Variants in DLGAP4 observed in about 807,000 individuals in gnomAD.
DLGAP4 encodes disks large-associated protein 4.
In DLGAP4, 18 loss-of-function variants were observed where a neutral mutation model predicts 86.9. That is an observed-to-expected ratio of 0.21 (90% CI 0.14 to 0.31). The LOEUF is 0.31. DLGAP4 is among the 10% of genes least tolerant of loss of function. The pLI is 1.00. For missense variants in DLGAP4, 1,085 were observed against 1,362.6 expected, an observed-to-expected ratio of 0.80 and a Z score of 3.21; for synonymous variants, 548 against 574.3, an observed-to-expected ratio of 0.95 and a Z score of 0.65.
chr20:36,391,558 T>C (rs1421491335), intron 2 of DLGAP4, among the ~76,000 whole-genome samples: 2 of 152,190 alleles, frequency 1.3e-5, no homozygotes, highest in Non-Finnish European at 2.9e-5. Context: ...TGCCCAACAC[T>C]GTTCCCAGCA....
At chr20:36,446,505 C>T (rs1419139342) in intron 6 of DLGAP4, among the ~76,000 whole-genome samples, 192 bp from the exon 7 acceptor site, 1 of 152,114 alleles carries the variant, frequency 6.6e-6, no homozygotes, top group Non-Finnish European at 1.5e-5. Flanking sequence ...AAATTGAGGC[C>T]CAGAGAGGTA....
In DLGAP4 at chr20:36,402,543, T is replaced by A. The variant is rs907808460; in HGVS notation, c.-72-29103T>A. Among the ~76,000 whole-genome samples the A allele has an allele frequency of 2.6e-5, 4 of 151,678 alleles. No individual in the cohort carries two copies. In the South Asian group the frequency reaches 8.4e-4, roughly 32 times the overall value. ...TGGGAAGATTGCTTGAACCCAGGGG[T>A]TCAAGACCAGCCTGGGCAGCACAGT... On this transcript the variant is annotated intron_variant, in intron 2 of 12. Transcript: ENST00000339266.
chr20:36,480,521 TAGTG>T (rs1434629197), intron 7 of DLGAP4, among the ~76,000 whole-genome samples: 1 of 151,864 alleles, frequency 6.6e-6, no homozygotes, highest in Non-Finnish European at 1.5e-5. Flanking sequence ...CTGGGCAACA[TAGTG>T]AGACCCTGTC....
At chr20:36,499,235 T>C in intron 8 of DLGAP4, 1 of 1,609,260 alleles carries the variant, frequency 6.2e-7, no homozygotes, top group Non-Finnish European at 8.5e-7. Flanking sequence ...CTCTGATGCG[T>C]GTGAAGGAGA....
Position 36,448,898 on chromosome 20 carries a change from C to T in DLGAP4, c.1648+1961C>T, listed in dbSNP as rs187376113. ...GCAATGAGCCAAGATTGAGCCACTG[C>T]GCTCCAGCCTGGGTGACAGAGCAAG... On this transcript the variant is annotated intron_variant, in intron 7 of 12. Coordinates refer to ENST00000339266, the MANE Select transcript of DLGAP4 (RefSeq NM_001365621.2). Among the ~76,000 whole-genome samples, 53 of 152,034 alleles carry T rather than the reference C, an allele frequency of 3.5e-4. No homozygotes were observed. In the East Asian group the frequency reaches 7.2e-3, roughly 21 times the overall value.
At chr20:36,497,307 TC>T (rs2035930733) in intron 8 of DLGAP4, 1 of 1,377,800 alleles carries the variant, frequency 7.3e-7, no homozygotes. Context: ...CAGTGGGTTG[TC>T]CCAGTGAATG....
At chr20:36,370,342 A>T (rs1051620760) in intron 2 of DLGAP4, among the ~76,000 whole-genome samples, 2 of 151,992 alleles carry the variant, frequency 1.3e-5, no homozygotes, top group African/African-American at 4.8e-5. Flanking sequence ...TCTCCAAAAA[A>T]AAAAAAAATT....
At chr20:36,402,768 A>T (rs1370015984) in intron 2 of DLGAP4, among the ~76,000 whole-genome samples, 1 of 152,112 alleles carries the variant, frequency 6.6e-6, no homozygotes, top group Non-Finnish European at 1.5e-5. Flanking sequence ...TTTATTAAAT[A>T]CAGTAATTCA....
rs1600520186 is a variant in DLGAP4, at chr20:36,431,590, A to C, written c.-72-56A>C. 1 of 1,082,066 alleles carries C rather than the reference A, an allele frequency of 9.2e-7. No homozygotes were observed. Among genetic ancestry groups the C allele is most frequent in the Non-Finnish European group, 1.3e-6 (1 of 774,358 alleles). The allele number at this position is 1,082,066 out of a possible 1,614,324, so 67.0% of individuals were successfully genotyped here. On this transcript the variant is annotated intron_variant, in intron 2 of 12. Transcript: ENST00000339266. This position sits in a 1 kb window ranked among gnomAD's most constrained non-coding sequence, Gnocchi z 5.1. ...GCGATCTGGATCTGACCTTCCCGGC[A>C]CCCCTCCCCGACAATCCAGCTGACC...
intron 7 of DLGAP4, among the ~76,000 whole-genome samples, chr20:36,496,424 A>C (rs2035889083): frequency 6.6e-6 from 1 of 152,146 alleles, no homozygotes; most frequent in East Asian, 1.9e-4. Flanking sequence ...CCTGCTGGAT[A>C]ATAAGGTTTG....
chr20:36,428,223 C>T (rs1216285062), intron 2 of DLGAP4, among the ~76,000 whole-genome samples: 1 of 152,174 alleles, frequency 6.6e-6, no homozygotes, highest in Non-Finnish European at 1.5e-5. Context: ...CTGGTAGCCA[C>T]TTGCCACATG....
At chr20:36,379,748 T>C (rs2031303129) in intron 2 of DLGAP4, among the ~76,000 whole-genome samples, 2 of 152,366 alleles carry the variant, frequency 1.3e-5, no homozygotes, top group East Asian at 1.9e-4. Flanking sequence ...TTCCTTGCTC[T>C]GTGACTTTGG....
At chr20:36,396,884 C>T (rs2032018502) in intron 2 of DLGAP4, among the ~76,000 whole-genome samples, 1 of 152,188 alleles carries the variant, frequency 6.6e-6, no homozygotes, top group Non-Finnish European at 1.5e-5. Flanking sequence ...GAGCTGTGCC[C>T]TTTTAAAGAG....
chr20:36,352,433 G>A (rs1444004497), intron 1 of DLGAP4, among the ~76,000 whole-genome samples: 2 of 149,882 alleles, frequency 1.3e-5, no homozygotes, highest in Non-Finnish European at 3.0e-5. Context: ...AGAGGTGACC[G>A]TGGCTGGGAC....
intron 6 of DLGAP4, among the ~76,000 whole-genome samples, chr20:36,443,595 C>T (rs540977203): frequency 6.6e-6 from 1 of 152,282 alleles, no homozygotes; most frequent in South Asian, 2.1e-4. Flanking sequence ...ATTTAAAGAG[C>T]CCACAGTGGG....
At chr20:36,496,554 G>A (rs535584074) in intron 7 of DLGAP4, 151 bp from the exon 8 acceptor site, 30 of 1,305,888 alleles carry the variant, frequency 2.3e-5, no homozygotes, top group East Asian at 5.1e-5. Context: ...CTTGACCCTC[G>A]TTCTCCCTGC....
intron 7 of DLGAP4, chr20:36,492,986 C>G (rs2035731734): frequency 6.6e-6 from 1 of 152,108 alleles, no homozygotes; most frequent in African/African-American, 2.4e-5. Context: ...AGAGAACCAG[C>G]CCAGACTCCC....
intron 2 of DLGAP4, among the ~76,000 whole-genome samples, chr20:36,394,985 C>T (rs2031903524): frequency 6.6e-6 from 1 of 152,074 alleles, no homozygotes; most frequent in South Asian, 2.1e-4. Flanking sequence ...AGGACCCTCC[C>T]TAGAGCTGCC....
At chr20:36,363,768 G>A (rs371337859) in intron 1 of DLGAP4, among the ~76,000 whole-genome samples, 3 of 152,226 alleles carry the variant, frequency 2.0e-5, no homozygotes, top group Admixed American at 6.5e-5. Flanking sequence ...GCCAGAAGCC[G>A]TATGTGCATC....
Sources: allele counts gnomAD v4.1 joint callset (sites outside exome capture counted in the v4.1 genomes callset), GRCh38; gene constraint gnomAD v4.1.1; non-coding constraint Gnocchi (gnomAD v3.1); transcripts MANE v1.5; gene names NCBI Gene and HGNC (gene_info 2026-07-23, HGNC 2026-07-21).